The following CNTNAP4 variants were observed in gnomAD, a reference collection of about 807,000 sequenced individuals.
CNTNAP4 encodes contactin-associated protein-like 4.
Under a neutral mutation model 148.4 loss-of-function variants are expected in CNTNAP4, and 98 were observed. That is an observed-to-expected ratio of 0.66 (90% CI 0.56 to 0.78). The LOEUF (loss-of-function observed/expected upper bound fraction) is 0.78, where lower values mean the gene tolerates loss of function less well. Ranked by LOEUF, CNTNAP4 falls within the 30% of genes least tolerant of loss-of-function variation. The pLI, the probability that CNTNAP4 is intolerant of heterozygous loss-of-function variation, is 0.00. For synonymous variants in CNTNAP4, 730 were observed against 565.1 expected, an observed-to-expected ratio of 1.29 and a Z score of -4.14; for missense variants, 1,935 against 1,565.6, an observed-to-expected ratio of 1.24 and a Z score of -3.98.
At chr16:76,472,102 A>C (rs758620312) in intron 10 of CNTNAP4, among the ~76,000 whole-genome samples, 2 of 149,898 alleles carry the variant, frequency 1.3e-5, no homozygotes, top group Non-Finnish European at 3.0e-5. Context: ...GGCAATGTCC[A>C]AGGAAAAGCT....
intron 2 of CNTNAP4, among the ~76,000 whole-genome samples, chr16:76,354,739 C>T (rs1020630134): frequency 1.3e-5 from 2 of 152,192 alleles, no homozygotes; most frequent in African/African-American, 2.4e-5. Flanking sequence ...CCTGCAAACA[C>T]GCCATCATTA....
chr16:76,396,676 G>T (rs2078216312), intron 3 of CNTNAP4, among the ~76,000 whole-genome samples: 1 of 152,172 alleles, frequency 6.6e-6, no homozygotes, highest in South Asian at 2.1e-4. Context: ...GCTGACAGTG[G>T]TCAGGAGCTG....
At position 76,376,290 on chromosome 16, in the gene CNTNAP4, G is replaced by A. The variant is rs552232314; in HGVS notation, c.390+20779G>A. Reference sequence around the variant, plus strand: ...TGTCTCACTGAGTGCAGCGGTTTTCGGAAAGGAAATTTGATGTGGAGTGGA... The same window carrying A: ...TGTCTCACTGAGTGCAGCGGTTTTCAGAAAGGAAATTTGATGTGGAGTGGA... On this transcript the variant is annotated intron_variant, in intron 3 of 23. Transcript: ENST00000611870. Among the ~76,000 whole-genome samples the A allele has an allele frequency of 4.6e-5, 7 of 152,162 alleles. No individual in the cohort carries two copies. In the South Asian group the frequency reaches 6.2e-4, roughly 14 times the overall value.
rs777537255 is a variant in CNTNAP4, at chr16:76,535,731, G to C, written c.2942G>C (p.Gly981Ala). 9 of 1,613,844 alleles carry C rather than the reference G, an allele frequency of 5.6e-6. No homozygotes were observed. Among genetic ancestry groups the C allele is most frequent in the Non-Finnish European group, 7.6e-6 (9 of 1,179,852 alleles). The change falls in exon 18 of 24, where the codon GGG (glycine) becomes GCG (alanine). Residue 981 changes from glycine to alanine, a missense_variant. By Grantham distance (60) the Gly-to-Ala change is moderately conservative. Transcript: ENST00000611870. Reference sequence around the variant, plus strand: ...GGGAAATGCAGAGAAAGACCCATTGGGTTCTTTTGTGACTGCACTTTCTCT... The same window carrying C: ...GGGAAATGCAGAGAAAGACCCATTGCGTTCTTTTGTGACTGCACTTTCTCT... Reference protein sequence around the residue: ...NGGKCRERPIGFFCDCTFSAY... With the variant: ...NGGKCRERPIAFFCDCTFSAY...
At chr16:76,535,819 T>G (rs372831470) in intron 18 of CNTNAP4, 35 bp downstream of exon 18, 2 of 1,581,156 alleles carry the variant, frequency 1.3e-6, no homozygotes, top group Non-Finnish European at 1.7e-6. Flanking sequence ...AGAGGAAAAT[T>G]TATTCAATGT....
intron 2 of CNTNAP4, among the ~76,000 whole-genome samples, chr16:76,332,714 T>C (rs1452588192): frequency 6.9e-6 from 1 of 144,896 alleles, no homozygotes; most frequent in Non-Finnish European, 1.5e-5. Context: ...ATTCTGTTCA[T>C]TTTTTTCTTT....
At chr16:76,410,637 G>C (rs1208587188) in intron 3 of CNTNAP4, among the ~76,000 whole-genome samples, 5 of 151,760 alleles carry the variant, frequency 3.3e-5, no homozygotes, top group East Asian at 1.9e-4. Flanking sequence ...GTTAAGCCCT[G>C]ATTACATTAT....
intron 18 of CNTNAP4, among the ~76,000 whole-genome samples, chr16:76,537,491 A>G (rs1430202751): frequency 6.6e-6 from 1 of 152,140 alleles, no homozygotes; most frequent in African/African-American, 2.4e-5. Context: ...AGAATTTGGG[A>G]TATTAATCTC....
At position 76,540,772 on chromosome 16, in the gene CNTNAP4, G is replaced by T. The variant is rs376794927; in HGVS notation, c.3424G>T (p.Val1142Leu). ...AGAATTCAGTGCAGTCAAATCTCTGGTATTGGGCAGGATTTTAGGTAAGTG... is the reference window on the plus strand; with the variant it reads ...AGAATTCAGTGCAGTCAAATCTCTGTTATTGGGCAGGATTTTAGGTAAGTG... ...GTEFSAVKSL[V>L]LGRILEHSDV... is the part of the protein sequence containing the mutation. The change falls in exon 21 of 24, where the codon GTA becomes TTA. Residue 1142 changes from valine to leucine, a missense_variant. Coordinates refer to ENST00000611870, the MANE Select transcript of CNTNAP4 (RefSeq NM_033401.5). 21 of 1,569,852 alleles carry T rather than the reference G, an allele frequency of 1.3e-5. No individual in the cohort carries two copies. In the African/African-American group the frequency reaches 2.2e-4, roughly 16 times the overall value.
chr16:76,475,333 A>G (rs557202211), intron 10 of CNTNAP4, among the ~76,000 whole-genome samples: 4 of 152,314 alleles, frequency 2.6e-5, no homozygotes, highest in Non-Finnish European at 5.9e-5. Flanking sequence ...AAACTAAACT[A>G]CCTCAAGCTA....
Position 76,475,990 on chromosome 16 carries a change from C to T in CNTNAP4, c.1707C>T (p.Ser569=), listed in dbSNP as rs770351796. ...GTGGGGAGTGTTCCCAGTCCTGGAG[C>T]ACCTTTCATTGTAACTGTACCAACA... The part of the protein sequence containing the change: ...EHGGECSQSW[S]TFHCNCTNTG... Residue 569 remains serine (S), a synonymous_variant, in exon 11 of 24, where the codon AGC becomes AGT. Coordinates refer to ENST00000611870, the MANE Select transcript of CNTNAP4 (RefSeq NM_033401.5). 3 of 1,613,790 alleles carry T rather than the reference C, an allele frequency of 1.9e-6. No homozygotes were observed. The Admixed American group carries it at 5.0e-5, about 27-fold the overall frequency.
intron 4 of CNTNAP4, among the ~76,000 whole-genome samples, chr16:76,436,911 C>G (rs2079848032): frequency 6.6e-6 from 1 of 152,056 alleles, no homozygotes; most frequent in Admixed American, 6.6e-5. Flanking sequence ...TGTAGAACCA[C>G]TCCTGGTACC....
chr16:76,462,124 C>G lies in CNTNAP4; in HGVS notation c.1483+19C>G. 6.2e-7 allele frequency: 1 copy of G among 1,604,312 alleles called. No homozygotes were observed. The highest frequency in any genetic ancestry group is 8.5e-7 in the Non-Finnish European group (1 of 1,173,796). ...TTTGGAGGTAAGAATAGGTGCCAGG[C>G]TCTATGAGCAACTGAACCATATTTG... is the stretch of plus-strand genomic sequence containing the variant. On this transcript the variant is annotated intron_variant, in intron 9 of 23. Coordinates refer to ENST00000611870, the MANE Select transcript of CNTNAP4 (RefSeq NM_033401.5).
At chr16:76,479,092 T>C (rs2081705088) in intron 11 of CNTNAP4, among the ~76,000 whole-genome samples, 1 of 152,116 alleles carries the variant, frequency 6.6e-6, no homozygotes, top group South Asian at 2.1e-4. Flanking sequence ...ATTATACTTA[T>C]AAGGCTCCAA....
At chr16:76,332,034 A>G (rs1292552783) in intron 2 of CNTNAP4, among the ~76,000 whole-genome samples, 1 of 152,184 alleles carries the variant, frequency 6.6e-6, no homozygotes, top group African/African-American at 2.4e-5. Context: ...ATATCATCCC[A>G]CTGCCTTTTG....
intron 2 of CNTNAP4, among the ~76,000 whole-genome samples, chr16:76,346,610 A>T (rs979542357): frequency 3.3e-5 from 5 of 152,186 alleles, no homozygotes; most frequent in African/African-American, 1.2e-4. Context: ...AAAGCAAAAC[A>T]TGGGCAGATC....
At chr16:76,454,165 A>AGTGTTATG (rs1321055087) in intron 8 of CNTNAP4, among the ~76,000 whole-genome samples, 3 of 128,534 alleles carry the variant, frequency 2.3e-5, no homozygotes, top group East Asian at 4.4e-4. Flanking sequence ...CCCAGGCTGG[A>AGTGTTATG]GTGTTATGGT....
chr16:76,522,646 T>C (rs71394263), intron 17 of CNTNAP4, among the ~76,000 whole-genome samples: 12,516 of 92,586 alleles, frequency 0.14, 2,429 homozygotes, highest in Non-Finnish European at 0.16. Flanking sequence ...TCTTTCTTTC[T>C]TTTCTCTCTT....
At chr16:76,494,562 T>C (rs1405578885) in intron 13 of CNTNAP4, among the ~76,000 whole-genome samples, 2 of 152,180 alleles carry the variant, frequency 1.3e-5, no homozygotes, top group African/African-American at 4.8e-5. Context: ...ATGATTTATA[T>C]TTTGATGCTA....
Sources: gnomAD v4.1 joint callset for allele counts (sites outside exome capture counted in the v4.1 genomes callset) on GRCh38, gnomAD v4.1.1 for gene constraint, MANE v1.5 for transcripts, NCBI Gene and HGNC (gene_info 2026-07-23, HGNC 2026-07-21) for gene names.